The following NRXN3 variants were observed in gnomAD, a reference collection of about 807,000 sequenced individuals.
NRXN3 encodes neurexin 3.
Under a neutral mutation model 137.6 loss-of-function variants are expected in NRXN3, and 32 were observed. That is an observed-to-expected ratio of 0.23 (90% CI 0.18 to 0.31). NRXN3 has a LOEUF of 0.31. NRXN3 is among the 10% of genes least tolerant of loss of function. NRXN3 has a pLI of 1.00. For synonymous variants in NRXN3, 798 were observed against 784.5 expected, an observed-to-expected ratio of 1.02 and a Z score of -0.29; for missense variants, 1,574 against 2,062.5, an observed-to-expected ratio of 0.76 and a Z score of 4.59.
intron 15 of NRXN3, among the ~76,000 whole-genome samples, chr14:79,188,863 C>T (rs1380189212): frequency 3.3e-5 from 5 of 152,036 alleles, no homozygotes; most frequent in African/African-American, 1.2e-4. Context: ...GTTAGAATGG[C>T]AATCATTAAA....
chr14:79,777,736 T>G (rs1343089634), intron 19 of NRXN3, among the ~76,000 whole-genome samples: 1 of 151,926 alleles, frequency 6.6e-6, no homozygotes, highest in Non-Finnish European at 1.5e-5. Flanking sequence ...ATAAGAATTT[T>G]GTGGGTGGGG....
chr14:79,660,867 T>C (rs1003411601), intron 16 of NRXN3, among the ~76,000 whole-genome samples: 6 of 152,132 alleles, frequency 3.9e-5, no homozygotes, highest in South Asian at 2.1e-4. Context: ...TCTGCAGTCA[T>C]GGTTTCTTAA....
intron 10 of NRXN3, among the ~76,000 whole-genome samples, chr14:78,897,362 CT>C (rs929332906): frequency 6.7e-5 from 10 of 149,838 alleles, no homozygotes; most frequent in Non-Finnish European, 5.9e-5. Flanking sequence ...TTTTTTCTTT[CT>C]TTTTTTTTGA....
chr14:78,230,714 G>T (rs2065279988), intron 1 of NRXN3, among the ~76,000 whole-genome samples: 1 of 152,184 alleles, frequency 6.6e-6, no homozygotes, highest in Non-Finnish European at 1.5e-5. Flanking sequence ...CAAGGAGGTA[G>T]CATGGCTGGG....
intron 10 of NRXN3, among the ~76,000 whole-genome samples, chr14:78,918,285 C>CAAAAAAAAA (rs71454807): frequency 8.7e-5 from 3 of 34,648 alleles, no homozygotes; most frequent in African/African-American, 2.6e-4. Context: ...AACTCCATCT[C>CAAAAAAAAA]AAAAAAAAAA....
chr14:79,407,543 A>G (rs183046422), intron 15 of NRXN3, among the ~76,000 whole-genome samples: 13 of 152,282 alleles, frequency 8.5e-5, no homozygotes, highest in African/African-American at 2.4e-4. Flanking sequence ...TTAAAACAGC[A>G]TGCTCAGGGA....
At chr14:78,665,246 A>G (rs1167217620) in intron 6 of NRXN3, among the ~76,000 whole-genome samples, 1 of 152,200 alleles carries the variant, frequency 6.6e-6, no homozygotes, top group Non-Finnish European at 1.5e-5. Flanking sequence ...AGACTGGGTA[A>G]TTTATAAAGG....
At chr14:78,280,114 T>C (rs1367043559) in intron 3 of NRXN3, among the ~76,000 whole-genome samples, 1 of 152,194 alleles carries the variant, frequency 6.6e-6, no homozygotes, top group African/African-American at 2.4e-5. Context: ...TCAACAAATA[T>C]TTATGTTCCA....
chr14:78,451,642 A>C lies in NRXN3; in HGVS notation c.757+153782A>C, dbSNP rs2094553972. On this transcript the variant is annotated intron_variant, in intron 4 of 20. Transcript: ENST00000335750. ...TTCCCCCAAAGAAAGACTGTAATAA[A>C]CGAACTCTCACTGCAGCAGATGGGA... Among the ~76,000 whole-genome samples, 3 of 152,194 alleles carry C rather than the reference A, an allele frequency of 2.0e-5. No homozygotes were observed. The South Asian group carries it at 6.2e-4, about 32-fold the overall frequency.
At chr14:78,247,678 G>A (rs542767848) in intron 2 of NRXN3, among the ~76,000 whole-genome samples, 2 of 152,264 alleles carry the variant, frequency 1.3e-5, no homozygotes, top group East Asian at 1.9e-4. Flanking sequence ...AGCTCAGCCC[G>A]TCCTGTTATG....
intron 10 of NRXN3, among the ~76,000 whole-genome samples, chr14:78,939,830 C>A (rs2099349583): frequency 6.6e-6 from 1 of 152,180 alleles, no homozygotes; most frequent in Non-Finnish European, 1.5e-5. Context: ...TATCTTTGTT[C>A]AGCACACACG....
intron 19 of NRXN3, among the ~76,000 whole-genome samples, chr14:79,778,727 T>C (rs2099105159): frequency 6.6e-6 from 1 of 152,140 alleles, no homozygotes; most frequent in African/African-American, 2.4e-5. Flanking sequence ...GCTGTATAGT[T>C]TAAAAAAAAC....
Position 79,381,776 on chromosome 14 carries a change from C to T in NRXN3, c.3263-85445C>T, listed in dbSNP as rs60821647. 7.1e-3 allele frequency among the ~76,000 whole-genome samples: 1,081 copies of T among 152,198 alleles called. 24 individuals are homozygous for T. The highest frequency in any genetic ancestry group is 0.025 in the African/African-American group (1,038 of 41,516). On this transcript the variant is annotated intron_variant, in intron 15 of 20. Transcript: ENST00000335750. ...CATTGATCACAATCAAATAATGAGGCACGATTCCATGAAACATTAGGAAAA... is the reference window on the plus strand; with the variant it reads ...CATTGATCACAATCAAATAATGAGGTACGATTCCATGAAACATTAGGAAAA...
chr14:79,416,451 T>C (rs889158278), intron 15 of NRXN3, among the ~76,000 whole-genome samples: 1 of 152,168 alleles, frequency 6.6e-6, no homozygotes, highest in Non-Finnish European at 1.5e-5. Context: ...CAGAAAGTTA[T>C]TGAAATTTTA....
rs148293488 is a variant in NRXN3 at position 78,764,483 on chromosome 14, C to T, written c.2045-39137C>T. On this transcript the variant is annotated intron_variant, in intron 8 of 20. Transcript: ENST00000335750. The stretch of plus-strand genomic sequence containing the variant: ...CTTTCCTTTCCCGTTAAGCTGCCCA[C>T]CTATCACACTCCAAAACAACATGTG... Among the ~76,000 whole-genome samples the T allele has an allele frequency of 4.4e-3, 677 of 152,278 alleles. 4 individuals carry two copies. Among genetic ancestry groups the T allele is most frequent in the Middle Eastern group, 6.8e-3 (2 of 294 alleles).
intron 16 of NRXN3, among the ~76,000 whole-genome samples, chr14:79,483,656 G>A (rs1365880257): frequency 6.6e-6 from 1 of 152,184 alleles, no homozygotes; most frequent in Non-Finnish European, 1.5e-5. Flanking sequence ...GGATGTATTT[G>A]TGTGGATGTG....
intron 15 of NRXN3, among the ~76,000 whole-genome samples, chr14:79,269,532 G>C (rs550295440): frequency 6.6e-6 from 1 of 152,018 alleles, no homozygotes; most frequent in Non-Finnish European, 1.5e-5. Context: ...TTTTCTTACC[G>C]GCGACTGAGG....
intron 1 of NRXN3, among the ~76,000 whole-genome samples, chr14:78,230,401 G>A (rs575961164): frequency 2.0e-5 from 3 of 151,938 alleles, no homozygotes; most frequent in African/African-American, 7.2e-5. Context: ...GTTGTTTGTC[G>A]GGAGGACCTG....
chr14:78,721,689 G>T (rs1198961350), intron 8 of NRXN3, among the ~76,000 whole-genome samples: 9 of 152,090 alleles, frequency 5.9e-5, no homozygotes, highest in Non-Finnish European at 1.2e-4. Flanking sequence ...TTAATTGATG[G>T]ATTAACGAAT....
Sources: allele counts gnomAD v4.1 joint callset (sites outside exome capture counted in the v4.1 genomes callset), GRCh38; gene constraint gnomAD v4.1.1; transcripts MANE v1.5; gene names NCBI Gene and HGNC (gene_info 2026-07-23, HGNC 2026-07-21).